PTPRS: variants seen among roughly 807,000 people sequenced by gnomAD.
The protein encoded by PTPRS is receptor-type tyrosine-protein phosphatase S.
A neutral mutation model predicts 215.3 loss-of-function variants in PTPRS; 63 were observed. The observed-to-expected ratio is 0.29, with a 90% confidence interval of 0.24 to 0.36. The LOEUF is 0.36. Among genes scored for constraint, PTPRS ranks in the 10% least tolerant of loss-of-function variants. The pLI is 1.00. For missense variants in PTPRS, 2,258 were observed against 2,825.8 expected (o/e 0.80, Z 4.56); for synonymous variants, 1,404 against 1,191.4 (o/e 1.18, Z -3.68).
chr19:5,248,733 C>G (rs1223751305), intron 9 of PTPRS, among the ~76,000 whole-genome samples: 1 of 152,234 alleles, frequency 6.6e-6, no homozygotes, highest in Non-Finnish European at 1.5e-5. Flanking sequence ...GTCTCTGAAT[C>G]CCATAGTAAA....
Position 5,215,368 on chromosome 19 carries a change from C to T in PTPRS, c.4239G>A (p.Leu1413=). 6.2e-7 allele frequency: 1 copy of T among 1,614,044 alleles called. No homozygotes were observed. Among genetic ancestry groups the T allele is most frequent in the Non-Finnish European group, 8.5e-7 (1 of 1,180,010 alleles). ...AGCGGTTCTTCGGCTTGTTCACTTC[C>T]AGGTTGGAATGTTCCCATGTGAACT... ...GQQFTWEHSN[L]EVNKPKNRYA... The change falls in exon 28 of 38, where the codon CTG becomes CTA. Residue 1413 remains leucine (L), a synonymous_variant. Transcript: ENST00000262963.
In PTPRS at chr19:5,244,765, G is replaced by A. The variant is rs1310953851; in HGVS notation, c.989-283C>T. On this transcript the variant is annotated intron_variant, in intron 10 of 37. Transcript: ENST00000262963. This position sits in a 1 kb window ranked among gnomAD's most constrained non-coding sequence, Gnocchi z 7.2. ...GCTCACTGCAAGCTCCGTCTCCCGG[G>A]TTCACACAATTCTCCTGCCTCAGCC... Among the ~76,000 whole-genome samples the A allele has an allele frequency of 1.3e-5, 2 of 152,098 alleles. No homozygotes were observed. The highest frequency in any genetic ancestry group is 2.4e-5 in the African/African-American group (1 of 41,408).
chr19:5,218,902 A>C, intron 23 of PTPRS, 104 bp from the exon 24 acceptor site: 2 of 1,230,638 alleles, frequency 1.6e-6, no homozygotes, highest in Admixed American at 2.4e-5. Flanking sequence ...TGCCTTCCTT[A>C]ACCTCTGTGA....
intron 2 of PTPRS, among the ~76,000 whole-genome samples, chr19:5,278,567 C>T (rs2047588106): frequency 6.6e-6 from 1 of 152,162 alleles, no homozygotes; most frequent in Non-Finnish European, 1.5e-5. Flanking sequence ...ACCTCCGCCT[C>T]CTGGGTTCAA....
At chr19:5,253,436 A>C (rs138892207) in intron 9 of PTPRS, among the ~76,000 whole-genome samples, 20 of 152,340 alleles carry the variant, frequency 1.3e-4, no homozygotes, top group African/African-American at 4.8e-4. Flanking sequence ...TGTAGCTTTC[A>C]GAACATGCCA....
chr19:5,245,725 G>A (rs760675700), intron 10 of PTPRS, 51 bp downstream of exon 10: 90 of 1,509,122 alleles, frequency 6.0e-5, no homozygotes, highest in Non-Finnish European at 7.5e-5. Flanking sequence ...TGAAGTCGGG[G>A]ATCGACTCCA....
rs1478125902 is a variant in PTPRS at position 5,223,168 on chromosome 19, G to C, written c.2624C>G (p.Ser875Trp). ...GYRLQFGRED[S>W]TPLATLEFPP... ...GAACTCCAGGGTGGCCAGGGGCGTC[G>C]AGTCCTCACGGCCAAACTGCAGGCG... Residue 875 changes from serine to tryptophan, a missense_variant, in exon 18 of 38, where the codon TCG becomes TGG. Ser to Trp is a radical substitution (Grantham distance 177). Coordinates refer to ENST00000262963, the MANE Select transcript of PTPRS (RefSeq NM_002850.4). 4 of 1,565,910 alleles carry C rather than the reference G, an allele frequency of 2.6e-6. No individual in the cohort carries two copies. Among genetic ancestry groups the C allele is most frequent in the Middle Eastern group, 3.3e-4 (2 of 6,008 alleles).
intron 1 of PTPRS, among the ~76,000 whole-genome samples, chr19:5,306,230 C>T (rs1056299100): frequency 2.0e-5 from 3 of 151,740 alleles, no homozygotes; most frequent in Non-Finnish European, 4.4e-5. Context: ...CTGCAACCTC[C>T]GCTTCCTGGG....
At chr19:5,258,370 G>A (rs1206652906) in intron 7 of PTPRS, among the ~76,000 whole-genome samples, 2 of 152,206 alleles carry the variant, frequency 1.3e-5, no homozygotes, top group Non-Finnish European at 2.9e-5. Context: ...CACTCACAGT[G>A]GAAAAGCAGC....
chr19:5,223,404 T>C (rs936069719), intron 17 of PTPRS, 107 bp from the exon 18 acceptor site: 1 of 1,239,736 alleles, frequency 8.1e-7, no homozygotes, highest in Non-Finnish European at 1.0e-6. Flanking sequence ...AACATTTTTT[T>C]GAGTTGGGGG....
chr19:5,319,767 C>G (rs940424328), intron 1 of PTPRS, among the ~76,000 whole-genome samples: 2 of 152,002 alleles, frequency 1.3e-5, no homozygotes, highest in African/African-American at 4.8e-5. Flanking sequence ...TGCTCTTCCC[C>G]CACGTTATCT....
intron 13 of PTPRS, among the ~76,000 whole-genome samples, chr19:5,231,870 C>T (rs1165018116): frequency 6.6e-6 from 1 of 152,140 alleles, no homozygotes; most frequent in African/African-American, 2.4e-5. Flanking sequence ...CAGGCTGCAC[C>T]TACGTGGTGC....
chr19:5,247,126 G>A (rs2044568540), intron 9 of PTPRS, among the ~76,000 whole-genome samples: 1 of 151,776 alleles, frequency 6.6e-6, no homozygotes, highest in African/African-American at 2.4e-5. Context: ...ATTAATTCTA[G>A]CAGATGTGAT....
intron 17 of PTPRS, 45 bp from the exon 18 acceptor site, chr19:5,223,342 C>A: frequency 1.4e-6 from 2 of 1,421,096 alleles, no homozygotes. Context: ...CGCCATCCGC[C>A]AGCCCAGAGG....
chr19:5,288,323 T>G (rs546511373), intron 1 of PTPRS, among the ~76,000 whole-genome samples: 145 of 151,950 alleles, frequency 9.5e-4, no homozygotes, highest in African/African-American at 3.0e-3. Flanking sequence ...AAAGTCAGAT[T>G]CCCTTCCTAC....
intron 23 of PTPRS, 62 bp downstream of exon 23, chr19:5,219,244 TCCTC>T (rs2041761340): frequency 1.9e-6 from 3 of 1,584,146 alleles, no homozygotes; most frequent in East Asian, 2.2e-5. Flanking sequence ...CTGAGACAAC[TCCTC>T]CCTCCTTTTC....
chr19:5,227,044 A>AT (rs1009319408), intron 16 of PTPRS, among the ~76,000 whole-genome samples: 24 of 151,978 alleles, frequency 1.6e-4, no homozygotes, highest in African/African-American at 5.6e-4. Flanking sequence ...CAGAGAGCTG[A>AT]TTTTTACTCT....
intron 26 of PTPRS, among the ~76,000 whole-genome samples, 163 bp downstream of exon 26, chr19:5,216,557 G>A (rs982904638): frequency 6.6e-6 from 1 of 152,044 alleles, no homozygotes; most frequent in Non-Finnish European, 1.5e-5. Flanking sequence ...GGGCCCAATG[G>A]ACCAACCCCC....
intron 21 of PTPRS, 25 bp downstream of exon 21, chr19:5,220,235 T>TGCGGGTTGGGCCCC: frequency 6.2e-7 from 1 of 1,610,864 alleles, no homozygotes; most frequent in Non-Finnish European, 8.5e-7. Flanking sequence ...ATCTGGGCCC[T>TGCGGGTTGGGCCCC]GCGGGTTGGG....
Sources: gnomAD v4.1 joint callset for allele counts (sites outside exome capture counted in the v4.1 genomes callset) on GRCh38, gnomAD v4.1.1 for gene constraint, Gnocchi (gnomAD v3.1) non-coding constraint, MANE v1.5 for transcripts, NCBI Gene and HGNC (gene_info 2026-07-23, HGNC 2026-07-21) for gene names.